The following DENND1A variants were observed in gnomAD, a reference collection of about 807,000 sequenced individuals.
DENND1A encodes the protein DENN domain-containing protein 1A.
In DENND1A, 51 loss-of-function variants were observed where a neutral mutation model predicts 113.7. That is an observed-to-expected ratio of 0.45 (90% CI 0.36 to 0.57). The LOEUF is 0.57. DENND1A is among the 20% of genes least tolerant of loss of function. DENND1A has a pLI of 0.00. For synonymous variants in DENND1A, 565 were observed against 570.8 expected (o/e 0.99, Z 0.14); for missense variants, 1,258 against 1,395.9 (o/e 0.90, Z 1.57).
chr9:123,828,159 G>A (rs1048440117), intron 2 of DENND1A, among the ~76,000 whole-genome samples: 2 of 152,068 alleles, frequency 1.3e-5, no homozygotes, highest in African/African-American at 4.8e-5. Context: ...GGGAGAGAGA[G>A]AGGGAGATAA....
intron 13 of DENND1A, among the ~76,000 whole-genome samples, chr9:123,493,407 G>A (rs1436379826): frequency 6.6e-6 from 1 of 152,228 alleles, no homozygotes; most frequent in African/African-American, 2.4e-5. Context: ...AATACTGAGA[G>A]GGTGAAAGAG....
chr9:123,883,861 A>G (rs1200808892), intron 1 of DENND1A, among the ~76,000 whole-genome samples: 1 of 135,940 alleles, frequency 7.4e-6, no homozygotes, highest in Admixed American at 6.9e-5. Flanking sequence ...AAGGATTATG[A>G]CAGTCTCAAA....
At chr9:123,409,844 C>T (rs570396773) in intron 20 of DENND1A, among the ~76,000 whole-genome samples, 3 of 152,280 alleles carry the variant, frequency 2.0e-5, no homozygotes, top group African/African-American at 7.2e-5. Flanking sequence ...GTAATCCCAG[C>T]ACTTTGGGAG....
intron 5 of DENND1A, among the ~76,000 whole-genome samples, chr9:123,682,037 T>C (rs1289761387): frequency 3.9e-5 from 6 of 152,144 alleles, no homozygotes; most frequent in African/African-American, 1.4e-4. Flanking sequence ...AGAAAGCGCA[T>C]GAGCGATGGC....
intron 13 of DENND1A, among the ~76,000 whole-genome samples, chr9:123,504,555 C>A (rs975417152): frequency 6.6e-6 from 1 of 152,166 alleles, no homozygotes; most frequent in African/African-American, 2.4e-5. Flanking sequence ...GAATATAAAT[C>A]CTTAGCATCT....
chr9:123,766,465 T>C (rs1404419416), intron 4 of DENND1A, among the ~76,000 whole-genome samples: 1 of 152,196 alleles, frequency 6.6e-6, no homozygotes, highest in Non-Finnish European at 1.5e-5. Flanking sequence ...CTCCTAGAGC[T>C]TCTAGGAAGA....
intron 5 of DENND1A, among the ~76,000 whole-genome samples, chr9:123,707,402 GAA>G (rs111625198): frequency 1.3e-4 from 18 of 136,698 alleles, no homozygotes; most frequent in Admixed American, 1.5e-4. Context: ...TCTCAAAAAG[GAA>G]AAAAAAAAAA....
At chr9:123,479,932 C>A (rs1301204459) in intron 13 of DENND1A, among the ~76,000 whole-genome samples, 1 of 152,202 alleles carries the variant, frequency 6.6e-6, no homozygotes, top group Non-Finnish European at 1.5e-5. Flanking sequence ...TTCATTTAGT[C>A]ATGATGAATG....
At chr9:123,589,628 A>G (rs2059359014) in intron 11 of DENND1A, among the ~76,000 whole-genome samples, 1 of 134,272 alleles carries the variant, frequency 7.4e-6, no homozygotes, top group Non-Finnish European at 1.5e-5. Flanking sequence ...ACCAGACTCT[A>G]TAGGCTTTTT....
At chr9:123,928,572 T>C (rs961407979) in intron 1 of DENND1A, 1 of 985,330 alleles carries the variant, frequency 1.0e-6, no homozygotes, top group African/African-American at 1.7e-5. Context: ...AGAGTGTTCA[T>C]GCGACTCTTC....
chr9:123,436,143 G>A (rs1235064842), intron 19 of DENND1A, among the ~76,000 whole-genome samples: 2 of 152,168 alleles, frequency 1.3e-5, no homozygotes, highest in African/African-American at 4.8e-5. Context: ...GAAAACCAGG[G>A]GGGAATCCTT....
intron 5 of DENND1A, among the ~76,000 whole-genome samples, chr9:123,678,587 C>T (rs942275260): frequency 1.3e-5 from 2 of 152,110 alleles, no homozygotes; most frequent in Admixed American, 6.5e-5. Flanking sequence ...TTACCGGCTG[C>T]GCCACTGAGG....
chr9:123,884,997 G>GCGCA (rs370719014), intron 1 of DENND1A, among the ~76,000 whole-genome samples: 2,731 of 145,894 alleles, frequency 0.019, 34 homozygotes, highest in Non-Finnish European at 0.026. Context: ...GAGCGCGCGC[G>GCGCA]CACACACACA....
chr9:123,563,833 G>C (rs922593762), intron 12 of DENND1A, among the ~76,000 whole-genome samples: 2 of 152,060 alleles, frequency 1.3e-5, no homozygotes, highest in Admixed American at 1.3e-4. Flanking sequence ...TCTTCTACTT[G>C]ATTTCAAAGG....
At chr9:123,414,798 C>T (rs1184122953) in intron 19 of DENND1A, among the ~76,000 whole-genome samples, 1 of 152,200 alleles carries the variant, frequency 6.6e-6, no homozygotes, top group Non-Finnish European at 1.5e-5. Flanking sequence ...CATCCACCTC[C>T]GCAATCTCAT....
intron 5 of DENND1A, among the ~76,000 whole-genome samples, chr9:123,690,204 A>G (rs182362996): frequency 6.6e-6 from 1 of 152,132 alleles, no homozygotes; most frequent in Admixed American, 6.5e-5. Flanking sequence ...TATGTGTCAC[A>G]TGCCATCATA....
intron 5 of DENND1A, among the ~76,000 whole-genome samples, chr9:123,681,818 T>C (rs1048564029): frequency 2.0e-5 from 3 of 152,076 alleles, no homozygotes; most frequent in Non-Finnish European, 4.4e-5. Context: ...TGCCCAGATA[T>C]TGGTTTCTAA....
At chr9:123,678,453 C>T (rs2064232750) in intron 5 of DENND1A, among the ~76,000 whole-genome samples, 1 of 152,212 alleles carries the variant, frequency 6.6e-6, no homozygotes, top group South Asian at 2.1e-4. Flanking sequence ...GTACCAAGCG[C>T]TTGCCGGCCT....
intron 4 of DENND1A, chr9:123,759,294 T>G (rs565865534): frequency 3.3e-5 from 5 of 152,398 alleles, no homozygotes; most frequent in Admixed American, 1.3e-4. Flanking sequence ...GCTCAAGAAT[T>G]CACATTGTGG....
Sources: gnomAD v4.1 joint callset for allele counts (sites outside exome capture counted in the v4.1 genomes callset) on GRCh38, gnomAD v4.1.1 for gene constraint, MANE v1.5 for transcripts, NCBI Gene and HGNC (gene_info 2026-07-23, HGNC 2026-07-21) for gene names.